KDM1A: variants seen among roughly 807,000 people sequenced by gnomAD.
The protein encoded by KDM1A is lysine demethylase 1A, also known as lysine-specific histone demethylase 1A.
Under a neutral mutation model 109.4 loss-of-function variants are expected in KDM1A, and 49 were observed. The ratio of observed to expected loss-of-function variants is 0.45; its 90% CI spans 0.36 to 0.57. The LOEUF (loss-of-function observed/expected upper bound fraction) is 0.57. KDM1A is among the 20% of genes least tolerant of loss of function. The pLI, the probability that KDM1A is intolerant of heterozygous loss-of-function variation, is 0.00. For synonymous variants in KDM1A, 380 were observed against 415.4 expected, an observed-to-expected ratio of 0.91 and a Z score of 1.04; for missense variants, 668 against 1,116.6, an observed-to-expected ratio of 0.60 and a Z score of 5.73.
chr1:23,053,730 A>C, intron 4 of KDM1A, 31 bp from the exon 5 acceptor site: 1 of 1,410,818 alleles, frequency 7.1e-7, no homozygotes, highest in Non-Finnish European at 1.0e-6. Flanking sequence ...GTCTATTTGT[A>C]TGTAATACAA....
At chr1:23,063,396 G>A (rs1018810534) in intron 9 of KDM1A, among the ~76,000 whole-genome samples, 2 of 152,110 alleles carry the variant, frequency 1.3e-5, no homozygotes, top group Admixed American at 1.3e-4. Context: ...TACAAACACC[G>A]TTAACTATAG....
At chr1:23,078,880 GAA>G in intron 16 of KDM1A, 108 bp from the exon 17 acceptor site, 2 of 1,010,642 alleles carry the variant, frequency 2.0e-6, no homozygotes, top group Non-Finnish European at 2.9e-6. Flanking sequence ...AATGAAAATA[GAA>G]AAATGAGAAT....
intron 2 of KDM1A, among the ~76,000 whole-genome samples, chr1:23,042,241 A>G (rs1227817798): frequency 6.6e-6 from 1 of 152,010 alleles, no homozygotes; most frequent in East Asian, 1.9e-4. Flanking sequence ...TTGCCAAGTC[A>G]GAAACATAAT....
intron 2 of KDM1A, 98 bp from the exon 3 acceptor site, chr1:23,044,329 T>C: frequency 4.0e-6 from 4 of 998,560 alleles, no homozygotes; most frequent in Non-Finnish European, 6.2e-6. Flanking sequence ...TACTAGTTGG[T>C]GGTGAATTCA....
intron 2 of KDM1A, among the ~76,000 whole-genome samples, chr1:23,042,443 T>TTATTA (rs1247532481): frequency 5.7e-3 from 49 of 8,634 alleles, no homozygotes; most frequent in African/African-American, 0.012. Context: ...ATATATTATT[T>TTATTA]TTTTTTTTTT....
At position 23,081,442 on chromosome 1, in the gene KDM1A, C is replaced by A; in HGVS notation, c.2171-4C>A. On this transcript the variant is annotated splice_region_variant and splice_polypyrimidine_tract_variant and intron_variant, in intron 18 of 20. Coordinates refer to ENST00000400181, the MANE Select transcript of KDM1A (RefSeq NM_001009999.3). ...CCCTAGAATTATCCTTTCTGTTTCC[C>A]CAGCTCCAATACTGTTGGCACTAGT... 1.2e-6 allele frequency: 2 copies of A among 1,613,964 alleles called. No homozygotes were observed. The highest frequency in any genetic ancestry group is 2.2e-5 in the South Asian group (2 of 91,064).
chr1:23,065,562 T>G (rs574114636), intron 9 of KDM1A, among the ~76,000 whole-genome samples: 1 of 152,334 alleles, frequency 6.6e-6, no homozygotes, highest in South Asian at 2.1e-4. Flanking sequence ...ATTGCTTAAC[T>G]AGGTGGAAAT....
At chr1:23,059,046 A>G in intron 8 of KDM1A, 27 bp from the exon 9 acceptor site, 1 of 1,497,426 alleles carries the variant, frequency 6.7e-7, no homozygotes, top group Non-Finnish European at 9.2e-7. Context: ...AGGTCTATTG[A>G]ATTTAATTGC....
chr1:23,078,766 C>G (rs1643537280), intron 16 of KDM1A, among the ~76,000 whole-genome samples: 1 of 152,208 alleles, frequency 6.6e-6, no homozygotes, highest in Non-Finnish European at 1.5e-5. Flanking sequence ...GTTGAGGATT[C>G]TGAAGTTGAC....
intron 2 of KDM1A, among the ~76,000 whole-genome samples, chr1:23,040,540 T>C (rs1422414814): frequency 3.3e-5 from 5 of 151,718 alleles, no homozygotes; most frequent in Non-Finnish European, 7.4e-5. Flanking sequence ...CTCACGCTCA[T>C]AATCCTGTTG....
chr1:23,077,197 T>C (rs781518607), intron 15 of KDM1A, 31 bp from the exon 16 acceptor site: 2 of 1,601,884 alleles, frequency 1.2e-6, no homozygotes, highest in South Asian at 2.2e-5. Context: ...TAATAAAAGG[T>C]TGGAAATATG....
rs775369259 is a variant in KDM1A at position 23,050,531 on chromosome 1, A to T, written c.711+11A>T. The T allele has an allele frequency of 3.8e-6, 6 of 1,590,012 alleles. No homozygotes were observed. The highest frequency in any genetic ancestry group is 5.1e-6 in the Non-Finnish European group (6 of 1,170,020). On this transcript the variant is annotated intron_variant, in intron 4 of 20. Coordinates refer to ENST00000400181, the MANE Select transcript of KDM1A (RefSeq NM_001009999.3). Reference sequence around the variant, plus strand: ...ATTAGAAACCGCACAGTAAGTTTCCATTTCAGCTTTTTCACCTGGATTATA... The same window carrying T: ...ATTAGAAACCGCACAGTAAGTTTCCTTTTCAGCTTTTTCACCTGGATTATA...
chr1:23,072,082 C>A, intron 13 of KDM1A, 42 bp from the exon 14 acceptor site: 1 of 1,230,496 alleles, frequency 8.1e-7, no homozygotes, highest in Non-Finnish European at 1.2e-6. Flanking sequence ...AGGTGGATAT[C>A]TGACCCTTCA....
chr1:23,078,445 C>T (rs917318516), intron 16 of KDM1A, among the ~76,000 whole-genome samples: 3 of 152,172 alleles, frequency 2.0e-5, no homozygotes, highest in African/African-American at 7.2e-5. Context: ...AACATAATTT[C>T]AGTACCCTCT....
At chr1:23,051,328 T>A (rs1642663538) in intron 4 of KDM1A, among the ~76,000 whole-genome samples, 1 of 152,210 alleles carries the variant, frequency 6.6e-6, no homozygotes, top group South Asian at 2.1e-4. Flanking sequence ...TTATGCATTC[T>A]TGACTCTACC....
intron 7 of KDM1A, 98 bp from the exon 8 acceptor site, chr1:23,057,386 A>C: frequency 1.2e-6 from 1 of 863,222 alleles, no homozygotes; most frequent in Middle Eastern, 2.2e-4. Flanking sequence ...CTACATCTTT[A>C]TTTTTAAATT....
rs1435374442 is a variant in KDM1A at position 23,079,358 on chromosome 1, G to A, written c.2055+181G>A. On this transcript the variant is annotated intron_variant, in intron 17 of 20. Coordinates refer to ENST00000400181, the MANE Select transcript of KDM1A (RefSeq NM_001009999.3). This position sits in a 1 kb window ranked among gnomAD's most constrained non-coding sequence, Gnocchi z 5.6. ...TGCCTAAGTCTATCATCAAGTGTCT[G>A]TTCATATGGACTTAGTCTTATGGGG... Among the ~76,000 whole-genome samples, 1 of 152,178 alleles carries A rather than the reference G, an allele frequency of 6.6e-6. No homozygotes were observed. Among genetic ancestry groups the A allele is most frequent in the Non-Finnish European group, 1.5e-5 (1 of 68,022 alleles).
intron 19 of KDM1A, chr1:23,081,797 G>A (rs1421054948): frequency 1.9e-5 from 10 of 518,932 alleles, no homozygotes; most frequent in African/African-American, 7.6e-5. Context: ...TTTCTCCTCC[G>A]GCTTTAGAGT....
chr1:23,037,129 TAC>T (rs59175262), intron 2 of KDM1A, among the ~76,000 whole-genome samples: 44 of 147,650 alleles, frequency 3.0e-4, no homozygotes, highest in African/African-American at 3.7e-4. Flanking sequence ...AAAATATATA[TAC>T]ACACACACAC....
Sources: allele counts gnomAD v4.1 joint callset (sites outside exome capture counted in the v4.1 genomes callset), GRCh38; gene constraint gnomAD v4.1.1; non-coding constraint Gnocchi (gnomAD v3.1); transcripts MANE v1.5; gene names NCBI Gene and HGNC (gene_info 2026-07-23, HGNC 2026-07-21).